Variants in KCNIP1 observed in about 807,000 individuals in gnomAD.
The protein encoded by KCNIP1 is A-type potassium channel modulatory protein KCNIP1.
KCNIP1 carries 18 observed loss-of-function variants against 33.0 expected under a neutral mutation model. The observed-to-expected ratio is 0.55, with a 90% CI of 0.38 to 0.81. The LOEUF (loss-of-function observed/expected upper bound fraction) is 0.81, where lower values mean the gene tolerates loss of function less well. KCNIP1 is among the 30% of genes least tolerant of loss of function. The probability of loss-of-function intolerance (pLI) is 0.00; values close to 1 mark genes in which losing one functional copy is unlikely to be tolerated. For synonymous variants in KCNIP1, 93 were observed against 98.3 expected (o/e 0.95, Z 0.32); for missense variants, 238 against 271.6 (o/e 0.88, Z 0.87).
At position 170,703,706 on chromosome 5, in the gene KCNIP1, G is replaced by A. The variant is rs189537254; in HGVS notation, c.62-15052G>A. Among the ~76,000 whole-genome samples, 13 of 138,016 alleles carry A rather than the reference G, an allele frequency of 9.4e-5. 1 individual carries two copies. The highest frequency in any genetic ancestry group is 2.9e-4 in the African/African-American group (11 of 37,808). The allele number at this position is 138,016 out of a possible 152,430, so 90.5% of individuals were successfully genotyped here. A position where few individuals can be genotyped will look rare whatever the true frequency, so the allele number is the denominator to read the frequency against. On this transcript the variant is annotated intron_variant, in intron 1 of 7. Transcript: ENST00000328939. ...CTGAACTAAACTGTCAGATTACAAA[G>A]TTACCCGCTAAATTAGCCAAATACT...
intron 1 of KCNIP1, among the ~76,000 whole-genome samples, chr5:170,381,144 G>T (rs1764223057): frequency 6.6e-6 from 1 of 152,146 alleles, no homozygotes; most frequent in Non-Finnish European, 1.5e-5. Context: ...GGTTCCTCTG[G>T]ATCTTTTATG....
intron 1 of KCNIP1, among the ~76,000 whole-genome samples, chr5:170,711,014 T>C (rs915783687): frequency 1.3e-5 from 2 of 152,204 alleles, no homozygotes; most frequent in African/African-American, 4.8e-5. Flanking sequence ...ATATGGTACA[T>C]GCTGTATGTG....
intron 1 of KCNIP1, among the ~76,000 whole-genome samples, chr5:170,658,288 T>A (rs1434871314): frequency 6.6e-6 from 1 of 152,212 alleles, no homozygotes; most frequent in South Asian, 2.1e-4. Flanking sequence ...TGAGCCCTTC[T>A]TGCTGGGGGC....
intron 1 of KCNIP1, among the ~76,000 whole-genome samples, chr5:170,365,642 G>A (rs1244530105): frequency 2.0e-5 from 3 of 152,204 alleles, no homozygotes; most frequent in African/African-American, 7.2e-5. Context: ...GGCTGCAGAC[G>A]CAGCTGGCTT....
At chr5:170,609,296 C>G (rs1219886084) in intron 1 of KCNIP1, among the ~76,000 whole-genome samples, 15 of 152,044 alleles carry the variant, frequency 9.9e-5, no homozygotes, top group Admixed American at 9.8e-4. Context: ...TAATCACTTG[C>G]ATTTATTGAG....
intron 1 of KCNIP1, among the ~76,000 whole-genome samples, chr5:170,414,948 G>T (rs903879990): frequency 2.0e-5 from 3 of 152,188 alleles, no homozygotes; most frequent in African/African-American, 4.8e-5. Context: ...TGTTGGGAAG[G>T]CTTCCAATGC....
At chr5:170,613,989 T>C (rs1419967398) in intron 1 of KCNIP1, among the ~76,000 whole-genome samples, 2 of 152,148 alleles carry the variant, frequency 1.3e-5, no homozygotes, top group Non-Finnish European at 2.9e-5. Context: ...CTCCGGTGTC[T>C]ACTGGGGAGG....
intron 1 of KCNIP1, among the ~76,000 whole-genome samples, chr5:170,405,111 G>T (rs1357668719): frequency 6.6e-6 from 1 of 152,108 alleles, no homozygotes; most frequent in Non-Finnish European, 1.5e-5. Context: ...ATAAATGAAA[G>T]AAATATGGAT....
chr5:170,621,974 C>T (rs992474501), intron 1 of KCNIP1, among the ~76,000 whole-genome samples: 1 of 152,126 alleles, frequency 6.6e-6, no homozygotes, highest in African/African-American at 2.4e-5. Context: ...GAGTTCCAGT[C>T]CCAGTTCCCC....
At chr5:170,561,200 C>A in intron 1 of KCNIP1, 1 of 443,704 alleles carries the variant, frequency 2.3e-6, no homozygotes, top group South Asian at 1.6e-5. Context: ...ATGTGGCGCA[C>A]TGACATTTAA....
chr5:170,688,331 G>T (rs1249840302), intron 1 of KCNIP1, among the ~76,000 whole-genome samples: 1 of 152,198 alleles, frequency 6.6e-6, no homozygotes, highest in Non-Finnish European at 1.5e-5. Flanking sequence ...TGACACAGAG[G>T]TCACTAATCA....
intron 1 of KCNIP1, among the ~76,000 whole-genome samples, chr5:170,437,194 C>T (rs182719983): frequency 4.9e-4 from 75 of 152,324 alleles, no homozygotes; most frequent in African/African-American, 1.8e-3. Flanking sequence ...AAGGACTTTC[C>T]TTCCCTGTGG....
chr5:170,362,943 G>C (rs1763554258), intron 1 of KCNIP1, among the ~76,000 whole-genome samples: 1 of 152,194 alleles, frequency 6.6e-6, no homozygotes, highest in Non-Finnish European at 1.5e-5. Flanking sequence ...ATATTGGATT[G>C]CAGAATGATC....
rs569289611 is a variant in KCNIP1 at position 170,559,391 on chromosome 5, C to T, written c.61+54758C>T. 1.1e-4 allele frequency among the ~76,000 whole-genome samples: 17 copies of T among 152,230 alleles called. 1 individual carries two copies. In the South Asian group the frequency reaches 2.9e-3, roughly 26 times the overall value. ...GGCTTCCTCCCCAGTATCTAGCATA[C>T]GAACTGTTTGCAAACATGCCCAGTT... On this transcript the variant is annotated intron_variant, in intron 1 of 7. Transcript: ENST00000328939.
chr5:170,462,005 A>C (rs1349184822), intron 1 of KCNIP1, among the ~76,000 whole-genome samples: 1 of 152,202 alleles, frequency 6.6e-6, no homozygotes, highest in East Asian at 1.9e-4. Flanking sequence ...TGAAACTATA[A>C]AAATTCTAGA....
chr5:170,399,381 C>T (rs1303850175), intron 1 of KCNIP1, among the ~76,000 whole-genome samples: 8 of 152,204 alleles, frequency 5.3e-5, no homozygotes, highest in African/African-American at 1.9e-4. Flanking sequence ...AATATGGAGT[C>T]ACTCTAGTCG....
chr5:170,625,911 G>A (rs1759802484), intron 1 of KCNIP1, among the ~76,000 whole-genome samples: 1 of 152,328 alleles, frequency 6.6e-6, no homozygotes. Context: ...GAGCCACTGA[G>A]CAGTGACCTG....
At chr5:170,478,111 TGAGGGGACCTGCCAA>T (rs1390340897) in intron 1 of KCNIP1, among the ~76,000 whole-genome samples, 1 of 152,068 alleles carries the variant, frequency 6.6e-6, no homozygotes, top group Non-Finnish European at 1.5e-5. Context: ...AGAGGGCACA[TGAGGGGACCTGCCAA>T]GATGAAGCCA....
In KCNIP1 at chr5:170,474,539, C is replaced by T. The variant is rs73311783; in HGVS notation, c.88+120575C>T. Among the ~76,000 whole-genome samples, 562 of 152,330 alleles carry T rather than the reference C, an allele frequency of 3.7e-3. 4 individuals are homozygous for T. The highest frequency in any genetic ancestry group is 0.013 in the African/African-American group (542 of 41,578). On this transcript the variant is annotated intron_variant, in intron 1 of 7. Transcript: ENST00000377360. Reference sequence around the variant, plus strand: ...AGGATTGGTCTATGAGAGAAGTCAGCTTCCATTTATCGAGCACCTAGTAAG... The same window carrying T: ...AGGATTGGTCTATGAGAGAAGTCAGTTTCCATTTATCGAGCACCTAGTAAG...
Sources: gnomAD v4.1 joint callset for allele counts (sites outside exome capture counted in the v4.1 genomes callset) on GRCh38, gnomAD v4.1.1 for gene constraint, MANE v1.5 for transcripts, NCBI Gene and HGNC (gene_info 2026-07-23, HGNC 2026-07-21) for gene names.